The following BRINP3 variants were observed in gnomAD, a reference collection of about 807,000 sequenced individuals.
BRINP3 encodes BMP/retinoic acid-inducible neural-specific protein 3.
BRINP3 carries 19 observed loss-of-function variants against 71.0 expected under a neutral mutation model. The ratio of observed to expected loss-of-function variants is 0.27; its 90% CI spans 0.19 to 0.39. The LOEUF (loss-of-function observed/expected upper bound fraction) is 0.39. BRINP3 is among the 10% of genes least tolerant of loss of function. The probability of loss-of-function intolerance (pLI) is 1.00; values close to 1 mark genes in which losing one functional copy is unlikely to be tolerated. For synonymous variants in BRINP3, 380 were observed against 337.7 expected, an observed-to-expected ratio of 1.13 and a Z score of -1.37; for missense variants, 959 against 940.8, an observed-to-expected ratio of 1.02 and a Z score of -0.25.
intron 2 of BRINP3, among the ~76,000 whole-genome samples, chr1:190,438,471 T>TAA (rs35573477): frequency 0.17 from 25,449 of 151,612 alleles, 2,185 homozygotes; most frequent in South Asian, 0.21. Context: ...TCAAAAAAAT[T>TAA]AACTTCCTGA....
At chr1:190,439,547 G>A (rs1674681438) in intron 2 of BRINP3, among the ~76,000 whole-genome samples, 1 of 151,924 alleles carries the variant, frequency 6.6e-6, no homozygotes, top group African/African-American at 2.4e-5. Flanking sequence ...GTGTGTGTAT[G>A]TGTATGGGTG....
intron 4 of BRINP3, among the ~76,000 whole-genome samples, chr1:190,241,787 C>T (rs1442781689): frequency 1.3e-5 from 2 of 151,654 alleles, no homozygotes; most frequent in Non-Finnish European, 2.9e-5. Context: ...TTTTCTGTTA[C>T]CACACATATA....
chr1:190,300,221 C>T (rs1276201646), intron 2 of BRINP3, among the ~76,000 whole-genome samples: 5 of 152,042 alleles, frequency 3.3e-5, no homozygotes, highest in African/African-American at 9.7e-5. Context: ...TCACATAGTC[C>T]CATATTTCTT....
chr1:190,327,894 T>G (rs1272977370), intron 2 of BRINP3, among the ~76,000 whole-genome samples: 1 of 152,114 alleles, frequency 6.6e-6, no homozygotes, highest in African/African-American at 2.4e-5. Flanking sequence ...ATTGATTACA[T>G]TCTCAGCCAT....
chr1:190,303,208 A>G lies in BRINP3; in HGVS notation c.237-21458T>C, dbSNP rs555407401. 2.6e-5 allele frequency among the ~76,000 whole-genome samples: 4 copies of G among 151,970 alleles called. No individual in the cohort carries two copies. The East Asian group carries it at 7.7e-4, about 29-fold the overall frequency. On this transcript the variant is annotated intron_variant, in intron 2 of 7. Transcript: ENST00000367462. ...TGATCTCCAAAGAGTAATTAAAATT[A>G]AATTTTGTAGAAACAGTAATGCTTT...
chr1:190,274,446 A>G (rs1421988341), intron 3 of BRINP3, among the ~76,000 whole-genome samples: 1 of 151,530 alleles, frequency 6.6e-6, no homozygotes, highest in Non-Finnish European at 1.5e-5. Context: ...ACTCTGAATG[A>G]CTGTTTTGCC....
intron 6 of BRINP3, among the ~76,000 whole-genome samples, chr1:190,215,044 T>G (rs991013723): frequency 6.6e-6 from 1 of 151,446 alleles, no homozygotes; most frequent in African/African-American, 2.4e-5. Context: ...AAGTATGTTC[T>G]TCTTTTCCAT....
At chr1:190,224,741 G>T (rs1469904982) in intron 6 of BRINP3, among the ~76,000 whole-genome samples, 1 of 151,846 alleles carries the variant, frequency 6.6e-6, no homozygotes, top group Non-Finnish European at 1.5e-5. Flanking sequence ...TCTGTCCAGG[G>T]ATTAATAACC....
chr1:190,156,021 T>C (rs1406154286), intron 7 of BRINP3, among the ~76,000 whole-genome samples: 1 of 152,090 alleles, frequency 6.6e-6, no homozygotes, highest in Non-Finnish European at 1.5e-5. Flanking sequence ...GTTACATAGC[T>C]GCAAAGTTTT....
At chr1:190,416,119 C>T (rs1448662782) in intron 2 of BRINP3, among the ~76,000 whole-genome samples, 2 of 152,010 alleles carry the variant, frequency 1.3e-5, no homozygotes, top group South Asian at 2.1e-4. Flanking sequence ...TGATGATTAC[C>T]TTAATACACA....
intron 6 of BRINP3, among the ~76,000 whole-genome samples, chr1:190,208,596 G>C (rs1479889852): frequency 6.6e-6 from 1 of 152,030 alleles, no homozygotes; most frequent in Non-Finnish European, 1.5e-5. Flanking sequence ...CCCGGTTCAA[G>C]CGTTTCTTGA....
intron 3 of BRINP3, among the ~76,000 whole-genome samples, chr1:190,266,069 G>A (rs1259995496): frequency 1.3e-5 from 2 of 152,170 alleles, no homozygotes; most frequent in African/African-American, 2.4e-5. Flanking sequence ...TGTCATTGAA[G>A]TTAGACATTA....
At chr1:190,258,082 C>T (rs1211947861) in intron 4 of BRINP3, among the ~76,000 whole-genome samples, 4 of 152,230 alleles carry the variant, frequency 2.6e-5, no homozygotes, top group Non-Finnish European at 4.4e-5. Context: ...CTATGCCCTG[C>T]CCCCAGAGGT....
chr1:190,297,588 TA>T (rs1490023691), intron 2 of BRINP3, among the ~76,000 whole-genome samples: 1 of 152,130 alleles, frequency 6.6e-6, no homozygotes, highest in Non-Finnish European at 1.5e-5. Flanking sequence ...TTCTCATAAA[TA>T]AATGTTGAAT....
intron 2 of BRINP3, among the ~76,000 whole-genome samples, chr1:190,347,980 A>G (rs1668133285): frequency 6.6e-6 from 1 of 152,174 alleles, no homozygotes; most frequent in African/African-American, 2.4e-5. Context: ...GTAGGAGCAT[A>G]AGTTGAAACA....
chr1:190,376,175 G>A (rs1171960495), intron 2 of BRINP3, among the ~76,000 whole-genome samples: 7 of 151,408 alleles, frequency 4.6e-5, no homozygotes, highest in Non-Finnish European at 7.4e-5. Context: ...TTTTAATATA[G>A]TAGCAGCTGT....
intron 2 of BRINP3, among the ~76,000 whole-genome samples, chr1:190,377,915 T>C (rs1331729036): frequency 1.3e-5 from 2 of 152,136 alleles, no homozygotes; most frequent in African/African-American, 2.4e-5. Flanking sequence ...TATTCATTGA[T>C]TGGAAGATGT....
At chr1:190,176,711 A>G (rs983490656) in intron 6 of BRINP3, among the ~76,000 whole-genome samples, 12 of 151,956 alleles carry the variant, frequency 7.9e-5, no homozygotes, top group Non-Finnish European at 1.6e-4. Flanking sequence ...ACCTGAAGGG[A>G]CGGGCTACGT....
At position 190,122,603 on chromosome 1, in the gene BRINP3, T is replaced by G. The variant is rs1227844701; in HGVS notation, c.1185-23469A>C. Among the ~76,000 whole-genome samples, 8 of 145,760 alleles carry G rather than the reference T, an allele frequency of 5.5e-5. No homozygotes were observed. The East Asian group carries it at 1.8e-3, about 32-fold the overall frequency. Reference sequence around the variant, plus strand: ...GGTGGGGGTGGGGGAGGGGGAGGGATAGCGTTAGGAGATATACCTAATGTT... The same window carrying G: ...GGTGGGGGTGGGGGAGGGGGAGGGAGAGCGTTAGGAGATATACCTAATGTT... On this transcript the variant is annotated intron_variant, in intron 7 of 7. Transcript: ENST00000367462.
Sources: gnomAD v4.1 joint callset for allele counts (sites outside exome capture counted in the v4.1 genomes callset) on GRCh38, gnomAD v4.1.1 for gene constraint, MANE v1.5 for transcripts, NCBI Gene and HGNC (gene_info 2026-07-23, HGNC 2026-07-21) for gene names.